CPED1: variants seen among roughly 807,000 people sequenced by gnomAD.
The protein encoded by CPED1 is cadherin like and PC-esterase domain containing 1.
In CPED1, 114 loss-of-function variants were observed where a neutral mutation model predicts 128.2. The observed-to-expected ratio is 0.89, with a 90% CI of 0.76 to 1.04. The LOEUF is 1.04. Ranked by LOEUF, CPED1 falls within the 50% of genes least tolerant of loss-of-function variation. The pLI is 0.00. For synonymous variants in CPED1, 462 were observed against 426.7 expected (o/e 1.08, Z -1.02); for missense variants, 1,211 against 1,207.1 (o/e 1.00, Z -0.05).
At chr7:121,241,767 A>G (rs2116681296) in intron 17 of CPED1, among the ~76,000 whole-genome samples, 1 of 152,326 alleles carries the variant, frequency 6.6e-6, no homozygotes, top group Non-Finnish European at 1.5e-5. Flanking sequence ...CACTGAGAGT[A>G]GAGGTGGGAA....
At position 121,076,410 on chromosome 7, in the gene CPED1, A is replaced by G. The variant is rs148081045; in HGVS notation, c.616+12097A>G. ...TAACAGCTTTCATAATATAGGATCA[A>G]TTTCTGGGTGGTTACCATTGCAGCT... On this transcript the variant is annotated intron_variant, in intron 5 of 22. Transcript: ENST00000310396. Among the ~76,000 whole-genome samples the G allele has an allele frequency of 7.5e-3, 1,140 of 152,292 alleles. 17 individuals are homozygous for G. Among genetic ancestry groups the G allele is most frequent in the African/African-American group, 0.026 (1,083 of 41,550 alleles).
chr7:121,154,619 C>T (rs1229352966), intron 16 of CPED1, among the ~76,000 whole-genome samples: 3 of 152,022 alleles, frequency 2.0e-5, no homozygotes, highest in African/African-American at 4.8e-5. Flanking sequence ...AATCTTGGCT[C>T]ACTACAACCT....
In CPED1 at chr7:121,295,849, T is replaced by C. The variant is rs934197976; in HGVS notation, c.*197T>C. 6.8e-5 allele frequency: 34 copies of C among 502,248 alleles called. No individual in the cohort carries two copies. The East Asian group carries it at 1.1e-3, about 16-fold the overall frequency. The allele number at this position is 502,248 out of a possible 1,614,324, so 31.1% of individuals were successfully genotyped here. ...CTTACAGCTTTATGAATTCAAGATG[T>C]GACCTTGAACACCAGTCCATTTCAC... On this transcript the variant is annotated 3_prime_UTR_variant, in exon 23 of 23. Coordinates refer to ENST00000310396, the MANE Select transcript of CPED1 (RefSeq NM_024913.5).
intron 3 of CPED1, among the ~76,000 whole-genome samples, chr7:121,017,443 GA>G (rs1792331111): frequency 6.6e-6 from 1 of 151,978 alleles, no homozygotes. Flanking sequence ...TTAGTATAAA[GA>G]AAAAAATATG....
At chr7:121,056,030 G>A (rs1173758152) in intron 4 of CPED1, among the ~76,000 whole-genome samples, 1 of 151,966 alleles carries the variant, frequency 6.6e-6, no homozygotes, top group East Asian at 1.9e-4. Flanking sequence ...ACCAAAATAA[G>A]TATTTTGGAA....
chr7:121,219,225 T>C (rs1443848556), intron 16 of CPED1, among the ~76,000 whole-genome samples: 1 of 151,976 alleles, frequency 6.6e-6, no homozygotes, highest in Admixed American at 6.6e-5. Flanking sequence ...CTGCTTTCCT[T>C]GGGTTTTCTA....
intron 16 of CPED1, among the ~76,000 whole-genome samples, chr7:121,187,508 G>A (rs938862956): frequency 6.6e-6 from 1 of 152,092 alleles, no homozygotes; most frequent in African/African-American, 2.4e-5. Context: ...CATGTGCTTT[G>A]TAGGTGATGG....
chr7:121,130,414 C>T (rs965449810), intron 12 of CPED1, 120 bp downstream of exon 12: 23 of 696,654 alleles, frequency 3.3e-5, no homozygotes, highest in Non-Finnish European at 5.0e-5. Flanking sequence ...GTCCAAATTT[C>T]CATGCTCAGG....
Position 121,064,286 on chromosome 7 carries a change from T to C in CPED1, c.589T>C (p.Leu197=), listed in dbSNP as rs1411458404. 1.9e-6 allele frequency: 3 copies of C among 1,612,342 alleles called. No individual in the cohort carries two copies. The highest frequency in any genetic ancestry group is 2.5e-6 in the Non-Finnish European group (3 of 1,178,506). ...IQQPLCRKEG[L]CQIVRRFPEL... is the part of the protein sequence containing the mutation. The stretch of plus-strand genomic sequence containing the variant: ...GCAGCCACTTTGCAGAAAGGAAGGA[T>C]TATGTCAAATAGTTAGAAGATTCCC... The change falls in exon 5 of 23, where the codon TTA becomes CTA. Residue 197 remains leucine (L), a synonymous_variant. Transcript: ENST00000310396.
At chr7:121,165,875 G>C (rs1796511166) in intron 16 of CPED1, among the ~76,000 whole-genome samples, 1 of 152,102 alleles carries the variant, frequency 6.6e-6, no homozygotes, top group Admixed American at 6.5e-5. Flanking sequence ...TTATTTGTTA[G>C]CTTTCTAAAT....
At chr7:121,132,762 A>G (rs540118194) in intron 12 of CPED1, among the ~76,000 whole-genome samples, 3 of 152,206 alleles carry the variant, frequency 2.0e-5, no homozygotes, top group South Asian at 4.1e-4. Flanking sequence ...GCCTTTACAT[A>G]CAGTGTCTCA....
intron 16 of CPED1, among the ~76,000 whole-genome samples, chr7:121,159,953 A>T (rs1228487317): frequency 6.6e-6 from 1 of 152,210 alleles, no homozygotes; most frequent in African/African-American, 2.4e-5. Context: ...CATTCTTGAA[A>T]AATGTTAAAA....
intron 4 of CPED1, among the ~76,000 whole-genome samples, chr7:121,047,703 CTTCTTCTTCTTCTTTTT>C (rs1227094444): frequency 8.2e-5 from 7 of 84,864 alleles, no homozygotes; most frequent in African/African-American, 2.6e-4. Context: ...TCTTCTTCTT[CTTCTTCTTCTTCTTTTT>C]TTTTTTTTGA....
intron 16 of CPED1, among the ~76,000 whole-genome samples, chr7:121,152,424 G>A (rs1236784471): frequency 1.3e-5 from 2 of 152,212 alleles, no homozygotes; most frequent in Non-Finnish European, 2.9e-5. Context: ...TTTTCTTTGA[G>A]TGAAATAATC....
intron 13 of CPED1, among the ~76,000 whole-genome samples, chr7:121,134,663 A>G (rs955310913): frequency 2.6e-5 from 4 of 152,124 alleles, no homozygotes; most frequent in Non-Finnish European, 5.9e-5. Flanking sequence ...TATTCATTAC[A>G]CAATGTATAC....
chr7:121,173,567 T>C (rs1032808208), intron 16 of CPED1, among the ~76,000 whole-genome samples: 4 of 152,164 alleles, frequency 2.6e-5, no homozygotes, highest in African/African-American at 9.6e-5. Context: ...AGATATGATC[T>C]CATTCTTTTT....
chr7:121,091,449 C>T (rs1794570117), intron 5 of CPED1, among the ~76,000 whole-genome samples: 1 of 152,140 alleles, frequency 6.6e-6, no homozygotes, highest in East Asian at 1.9e-4. Context: ...TCAGTGGATT[C>T]ACTTTTATCT....
At chr7:121,117,992 G>A (rs1416929539) in intron 7 of CPED1, among the ~76,000 whole-genome samples, 1 of 151,656 alleles carries the variant, frequency 6.6e-6, no homozygotes, top group South Asian at 2.1e-4. Flanking sequence ...CAATCACTAG[G>A]TAACAAATCC....
chr7:121,099,502 G>A (rs1190678048), intron 6 of CPED1, among the ~76,000 whole-genome samples: 1 of 152,006 alleles, frequency 6.6e-6, no homozygotes, highest in East Asian at 1.9e-4. Flanking sequence ...CAAGTAGCTG[G>A]GACTACAGGC....
Sources: allele counts gnomAD v4.1 joint callset (sites outside exome capture counted in the v4.1 genomes callset), GRCh38; gene constraint gnomAD v4.1.1; transcripts MANE v1.5; gene names NCBI Gene and HGNC (gene_info 2026-07-23, HGNC 2026-07-21).